The following SIRT5 variants were observed in gnomAD, a reference collection of about 807,000 sequenced individuals.
SIRT5 encodes the protein NAD-dependent protein deacylase sirtuin-5, mitochondrial.
SIRT5 carries 26 observed loss-of-function variants against 40.0 expected under a neutral mutation model. That is an observed-to-expected ratio of 0.65 (90% confidence interval 0.48 to 0.90). The LOEUF (loss-of-function observed/expected upper bound fraction) is 0.90. Among genes scored for constraint, SIRT5 ranks in the 40% least tolerant of loss-of-function variants. The pLI is 0.00. For missense variants in SIRT5, 401 were observed against 402.4 expected, an observed-to-expected ratio of 1.00 and a Z score of 0.03; for synonymous variants, 146 against 149.1, an observed-to-expected ratio of 0.98 and a Z score of 0.15.
chr6:13,588,299 C>T (rs1760344784), intron 3 of SIRT5, 32 bp from the exon 4 acceptor site: 2 of 1,607,452 alleles, frequency 1.2e-6, no homozygotes, highest in Non-Finnish European at 1.7e-6. Context: ...CCAAACTGTA[C>T]ACTGGATTGA....
chr6:13,584,285 C>A (rs1035689693), intron 3 of SIRT5, 60 bp downstream of exon 3: 2 of 1,207,200 alleles, frequency 1.7e-6, no homozygotes, highest in East Asian at 2.3e-5. Context: ...GAAAGTCCTA[C>A]ACTTCGAGAG....
At chr6:13,611,203 G>GTATA (rs1423036849) in intron 9 of SIRT5, among the ~76,000 whole-genome samples, 7 of 92,264 alleles carry the variant, frequency 7.6e-5, no homozygotes, top group African/African-American at 2.5e-4. Context: ...TTATGTGTGT[G>GTATA]TGTGTATATA....
intron 3 of SIRT5, among the ~76,000 whole-genome samples, chr6:13,588,109 G>A (rs1760318793): frequency 1.3e-5 from 2 of 152,232 alleles, no homozygotes; most frequent in African/African-American, 2.4e-5. Context: ...CAGAGCTGCG[G>A]TGCAGAGCCG....
chr6:13,614,930 A>C lies in SIRT5; in HGVS notation c.*3065A>C, dbSNP rs897863502. The C allele has an allele frequency of 1.2e-5, 2 of 172,682 alleles. No individual in the cohort carries two copies. Among genetic ancestry groups the C allele is most frequent in the African/African-American group, 4.7e-5 (2 of 42,140 alleles). The allele number at this position is 172,682 out of a possible 1,614,324, so 10.7% of individuals were successfully genotyped here. A position where few individuals can be genotyped will look rare whatever the true frequency, so the allele number is the denominator to read the frequency against. ...GCGGAGCGAACGCAGCCAAATCTAC[A>C]CAAAGACTGACAAGCTGGATCCACT... On this transcript the variant is annotated 3_prime_UTR_variant, in exon 10 of 10. Transcript: ENST00000606117.
chr6:13,598,384 G>C (rs1160492337), intron 7 of SIRT5, among the ~76,000 whole-genome samples: 2 of 152,150 alleles, frequency 1.3e-5, no homozygotes, highest in African/African-American at 4.8e-5. Flanking sequence ...GATGAAATTA[G>C]GGGATGCTTG....
chr6:13,600,687 T>C, intron 8 of SIRT5, 147 bp from the exon 9 acceptor site: 1 of 579,554 alleles, frequency 1.7e-6, no homozygotes, highest in Non-Finnish European at 3.1e-6. Flanking sequence ...CCCTTGTCCC[T>C]TGGACACCCT....
intron 2 of SIRT5, among the ~76,000 whole-genome samples, chr6:13,581,066 T>C (rs1584743587): frequency 6.6e-6 from 1 of 152,178 alleles, no homozygotes; most frequent in East Asian, 1.9e-4. Context: ...TTACCCAATT[T>C]CCTCTAATGT....
intron 9 of SIRT5, among the ~76,000 whole-genome samples, chr6:13,601,393 A>G (rs1244013300): frequency 1.3e-5 from 2 of 152,320 alleles, no homozygotes; most frequent in African/African-American, 4.8e-5. Flanking sequence ...ATCTGTGGCC[A>G]TATTATGACA....
intron 1 of SIRT5, among the ~76,000 whole-genome samples, chr6:13,578,817 TA>T (rs543499277): frequency 6.6e-6 from 1 of 151,822 alleles, no homozygotes; most frequent in Non-Finnish European, 1.5e-5. Context: ...TACAGGCTTT[TA>T]AAAAAAATCT....
chr6:13,581,761 G>T (rs543995601), intron 2 of SIRT5, among the ~76,000 whole-genome samples: 1 of 152,112 alleles, frequency 6.6e-6, no homozygotes. Context: ...ACAGAGCACC[G>T]ATATCAGACA....
intron 3 of SIRT5, 116 bp from the exon 4 acceptor site, chr6:13,588,211 ATGTT>A: frequency 8.0e-7 from 1 of 1,248,026 alleles, no homozygotes; most frequent in South Asian, 1.5e-5. Flanking sequence ...TACAGGAATG[ATGTT>A]TGTTTATCTT....
At chr6:13,611,713 T>A (rs1411877385) in intron 9 of SIRT5, 77 bp from the exon 10 acceptor site, 8 of 1,039,230 alleles carry the variant, frequency 7.7e-6, no homozygotes, top group Non-Finnish European at 1.2e-5. Flanking sequence ...ACTTCAGAAA[T>A]AAGTGCTTGC....
intron 4 of SIRT5, among the ~76,000 whole-genome samples, chr6:13,591,034 G>C (rs1760830444): frequency 6.7e-6 from 1 of 150,012 alleles, no homozygotes; most frequent in Non-Finnish European, 1.5e-5. Context: ...TGTATCTTTA[G>C]TGTGTGTAGT....
chr6:13,603,093 C>T (rs974978333), intron 9 of SIRT5, among the ~76,000 whole-genome samples: 7 of 151,770 alleles, frequency 4.6e-5, no homozygotes, highest in Non-Finnish European at 7.4e-5. Context: ...CTGGTTAACA[C>T]GGTGAAACCC....
intron 5 of SIRT5, among the ~76,000 whole-genome samples, chr6:13,595,103 T>TA (rs1476896887): frequency 6.6e-6 from 1 of 152,228 alleles, no homozygotes; most frequent in Non-Finnish European, 1.5e-5. Flanking sequence ...TGGAGTTATT[T>TA]ATTTTTCCTC....
intron 2 of SIRT5, among the ~76,000 whole-genome samples, chr6:13,583,517 C>T (rs1225885631): frequency 1.3e-5 from 2 of 152,106 alleles, no homozygotes; most frequent in African/African-American, 4.8e-5. Flanking sequence ...TGGTCTCAAA[C>T]TCCTGACCTC....
chr6:13,586,886 G>T (rs898176918), intron 3 of SIRT5, among the ~76,000 whole-genome samples: 1 of 152,108 alleles, frequency 6.6e-6, no homozygotes, highest in African/African-American at 2.4e-5. Flanking sequence ...ATGAGGCCAC[G>T]TTCCCTTTAA....
chr6:13,610,105 T>C (rs1400164464), intron 9 of SIRT5, among the ~76,000 whole-genome samples: 2 of 152,190 alleles, frequency 1.3e-5, no homozygotes, highest in African/African-American at 2.4e-5. Flanking sequence ...TTGCTGGGAC[T>C]ACAAGCTCGT....
At chr6:13,586,839 G>C (rs1760147008) in intron 3 of SIRT5, among the ~76,000 whole-genome samples, 1 of 152,178 alleles carries the variant, frequency 6.6e-6, no homozygotes, top group Admixed American at 6.5e-5. Flanking sequence ...CCATACATGA[G>C]AAACCAGTAG....
Sources: allele counts gnomAD v4.1 joint callset (sites outside exome capture counted in the v4.1 genomes callset), GRCh38; gene constraint gnomAD v4.1.1; transcripts MANE v1.5; gene names NCBI Gene and HGNC (gene_info 2026-07-23, HGNC 2026-07-21).